Variants in OR9Q1 observed in about 807,000 individuals in gnomAD.
OR9Q1 encodes olfactory receptor 9Q1.
For synonymous variants in OR9Q1, 153 were observed against 148.6 expected (o/e 1.03, Z -0.22); for missense variants, 374 against 378.8 (o/e 0.99, Z 0.11).
Position 58,091,101 on chromosome 11 carries a change from G to A in OR9Q1, c.-15+35154G>A, listed in dbSNP as rs118008056. Among the ~76,000 whole-genome samples, 1,378 of 151,766 alleles carry A rather than the reference G, an allele frequency of 9.1e-3. 11 individuals are homozygous for A. Among genetic ancestry groups the A allele is most frequent in the Non-Finnish European group, 0.014 (978 of 67,896 alleles). Reference sequence around the variant, plus strand: ...TTTTTTTAAAAAAAACAAGCTCCAGGATTCATTGATTTTTTGAAGGGTTTT... The same window carrying A: ...TTTTTTTAAAAAAAACAAGCTCCAGAATTCATTGATTTTTTGAAGGGTTTT... On this transcript the variant is annotated intron_variant, in intron 2 of 2. Transcript: ENST00000335397.
At chr11:58,148,832 A>G (rs1268656622) in intron 2 of OR9Q1, among the ~76,000 whole-genome samples, 2 of 152,200 alleles carry the variant, frequency 1.3e-5, no homozygotes, top group African/African-American at 2.4e-5. Context: ...TTGAAAAGAA[A>G]GTGGGCTGTC....
chr11:58,104,933 C>T (rs73478517), intron 2 of OR9Q1, among the ~76,000 whole-genome samples: 3,766 of 152,118 alleles, frequency 0.025, 156 homozygotes, highest in African/African-American at 0.083. Flanking sequence ...TTTTTGGAGT[C>T]GATTGTTGCT....
At chr11:58,107,063 G>A (rs2120098907) in intron 2 of OR9Q1, among the ~76,000 whole-genome samples, 1 of 152,178 alleles carries the variant, frequency 6.6e-6, no homozygotes, top group South Asian at 2.1e-4. Flanking sequence ...TGGATAAAAT[G>A]AATATTTTAG....
chr11:58,101,920 A>G (rs1021761143), intron 2 of OR9Q1, among the ~76,000 whole-genome samples: 1 of 151,932 alleles, frequency 6.6e-6, no homozygotes, highest in Non-Finnish European at 1.5e-5. Flanking sequence ...CTAATTTTGT[A>G]TTTTTAGTAC....
intron 2 of OR9Q1, among the ~76,000 whole-genome samples, chr11:58,099,436 T>C (rs977611828): frequency 3.3e-5 from 5 of 151,852 alleles, no homozygotes; most frequent in African/African-American, 1.2e-4. Flanking sequence ...ATCTGATAAA[T>C]TCATCATCTT....
intron 2 of OR9Q1, among the ~76,000 whole-genome samples, chr11:58,062,436 C>G (rs1431999781): frequency 6.6e-6 from 1 of 152,152 alleles, no homozygotes; most frequent in Non-Finnish European, 1.5e-5. Context: ...TGGCTCACCT[C>G]CCACATCTCC....
chr11:58,050,396 T>C (rs1186709861), intron 1 of OR9Q1, among the ~76,000 whole-genome samples: 1 of 140,918 alleles, frequency 7.1e-6, no homozygotes, highest in Non-Finnish European at 1.5e-5. Context: ...GCTAGCGATA[T>C]GTAGAAAGCT....
At chr11:58,044,085 G>A (rs1332620359) in intron 1 of OR9Q1, 1 of 152,200 alleles carries the variant, frequency 6.6e-6, no homozygotes, top group Non-Finnish European at 1.5e-5. Flanking sequence ...GTTAAACTAA[G>A]TACAGGATTT....
chr11:58,062,771 G>C (rs566852639), intron 2 of OR9Q1, among the ~76,000 whole-genome samples: 36 of 152,118 alleles, frequency 2.4e-4, no homozygotes, highest in Middle Eastern at 3.2e-3. Flanking sequence ...GACTTTTCAT[G>C]TAAACAAAAA....
chr11:58,024,824 T>C (rs1852955104), intron 1 of OR9Q1, among the ~76,000 whole-genome samples: 1 of 152,146 alleles, frequency 6.6e-6, no homozygotes, highest in Non-Finnish European at 1.5e-5. Flanking sequence ...CCTCCAGCCT[T>C]GGCGGGGCTC....
At chr11:58,109,191 A>G (rs147812088) in intron 2 of OR9Q1, 1 of 479,988 alleles carries the variant, frequency 2.1e-6, no homozygotes, top group Non-Finnish European at 4.2e-6. Context: ...TGGTATGCAG[A>G]ATGGCCCCTG....
intron 2 of OR9Q1, among the ~76,000 whole-genome samples, chr11:58,100,258 A>G (rs920308467): frequency 6.6e-6 from 1 of 152,228 alleles, no homozygotes; most frequent in African/African-American, 2.4e-5. Flanking sequence ...TAGACAGCAT[A>G]TGGCTATTTT....
chr11:58,031,726 T>C, intron 1 of OR9Q1: 1 of 1,614,152 alleles, frequency 6.2e-7, no homozygotes, highest in South Asian at 1.1e-5. Flanking sequence ...TCTATGGCAC[T>C]CTTTTCTTTA....
At chr11:58,118,606 A>G in intron 2 of OR9Q1, 1 of 1,614,026 alleles carries the variant, frequency 6.2e-7, no homozygotes, top group South Asian at 1.1e-5. Flanking sequence ...GGGGATGACC[A>G]CTGTATAGAA....
intron 2 of OR9Q1, chr11:58,072,653 T>G (rs1853499233): frequency 6.5e-6 from 1 of 155,016 alleles, no homozygotes; most frequent in Admixed American, 6.5e-5. Flanking sequence ...TGGTAACCAA[T>G]AGATTAGTCT....
At position 58,180,245 on chromosome 11, in the gene OR9Q1, G is replaced by C. The variant is rs376756425; in HGVS notation, c.801G>C (p.Ser267=). 1.1e-5 allele frequency: 18 copies of C among 1,614,050 alleles called. No homozygotes were observed. Among genetic ancestry groups the C allele is most frequent in the Non-Finnish European group, 1.5e-5 (18 of 1,179,996 alleles). The change falls in exon 3 of 3, where the codon TCG becomes TCC. Residue 267 remains serine (S), a synonymous_variant. Coordinates refer to ENST00000335397, the MANE Select transcript of OR9Q1 (RefSeq NM_001005212.4). ...MYLRGNSDQS[S]EKNRVVSVLY... is the part of the protein sequence containing the mutation. ...TGAGAGGTAACTCAGATCAGTCTTC[G>C]GAGAAGAATCGGGTAGTGTCTGTGC...
At chr11:58,138,536 G>A (rs1459648587) in intron 2 of OR9Q1, among the ~76,000 whole-genome samples, 2 of 152,188 alleles carry the variant, frequency 1.3e-5, no homozygotes, top group Non-Finnish European at 2.9e-5. Flanking sequence ...AGTAACATCT[G>A]AATGTTACTA....
At chr11:58,135,293 C>A (rs752464703) in intron 2 of OR9Q1, among the ~76,000 whole-genome samples, 67 of 152,072 alleles carry the variant, frequency 4.4e-4, no homozygotes, top group Non-Finnish European at 7.5e-4. Flanking sequence ...TTTTTCCAAA[C>A]AAGATTTTGA....
At chr11:58,073,699 T>A (rs1853511811) in intron 2 of OR9Q1, 1 of 152,240 alleles carries the variant, frequency 6.6e-6, no homozygotes, top group Non-Finnish European at 1.5e-5. Flanking sequence ...GTTTGTTACA[T>A]AGGTGTACAT....
Sources: allele counts gnomAD v4.1 joint callset (sites outside exome capture counted in the v4.1 genomes callset), GRCh38; gene constraint gnomAD v4.1.1; transcripts MANE v1.5; gene names NCBI Gene and HGNC (gene_info 2026-07-23, HGNC 2026-07-21).